P4HA1: variants seen among roughly 807,000 people sequenced by gnomAD.
The protein encoded by P4HA1 is prolyl 4-hydroxylase subunit alpha-1.
Under a neutral mutation model 72.8 loss-of-function variants are expected in P4HA1, and 24 were observed. The ratio of observed to expected loss-of-function variants is 0.33; its 90% CI spans 0.24 to 0.46. P4HA1 has a LOEUF of 0.46. Ranked by LOEUF, P4HA1 falls within the 20% of genes least tolerant of loss-of-function variation. P4HA1 has a pLI of 1.00. For missense variants in P4HA1, 446 were observed against 640.6 expected, an observed-to-expected ratio of 0.70 and a Z score of 3.28; for synonymous variants, 201 against 218.8, an observed-to-expected ratio of 0.92 and a Z score of 0.72.
At chr10:73,045,221 GT>G (rs1160612469) in intron 8 of P4HA1, among the ~76,000 whole-genome samples, 170 bp from the exon 9 acceptor site, 1 of 149,324 alleles carries the variant, frequency 6.7e-6, no homozygotes, top group African/African-American at 2.5e-5. Flanking sequence ...AGTTTTTTAG[GT>G]TTTTGGGGTT....
chr10:73,057,602 A>C (rs1564630944), intron 5 of P4HA1, among the ~76,000 whole-genome samples: 1 of 152,228 alleles, frequency 6.6e-6, no homozygotes. Context: ...GATAGTATTT[A>C]AAGAGATAAT....
At chr10:73,029,732 T>G (rs531551065) in intron 10 of P4HA1, among the ~76,000 whole-genome samples, 1 of 152,140 alleles carries the variant, frequency 6.6e-6, no homozygotes, top group East Asian at 1.9e-4. Context: ...TATATACCTG[T>G]TTACTACAGA....
intron 12 of P4HA1, among the ~76,000 whole-genome samples, chr10:73,012,940 T>C (rs12253518): frequency 0.16 from 23,881 of 151,896 alleles, 3,184 homozygotes; most frequent in African/African-American, 0.34. Context: ...GTACTACAGG[T>C]GTGTGCCACC....
At chr10:73,082,179 T>C (rs1461750177) in intron 1 of P4HA1, among the ~76,000 whole-genome samples, 1 of 152,228 alleles carries the variant, frequency 6.6e-6, no homozygotes, top group Non-Finnish European at 1.5e-5. Flanking sequence ...GTTTTGAGCA[T>C]GTTTAAGGTG....
chr10:73,064,967 CTT>C (rs1240045431), intron 5 of P4HA1, among the ~76,000 whole-genome samples: 1 of 152,166 alleles, frequency 6.6e-6, no homozygotes, highest in Non-Finnish European at 1.5e-5. Flanking sequence ...TGGATCAAAA[CTT>C]AATTTGTAAG....
At chr10:73,069,998 C>T (rs1841514951) in intron 4 of P4HA1, among the ~76,000 whole-genome samples, 2 of 151,580 alleles carry the variant, frequency 1.3e-5, no homozygotes, top group Admixed American at 6.6e-5. Context: ...CTAGTAGAGA[C>T]GGGGTTTCAC....
chr10:73,072,315 TA>T, intron 3 of P4HA1, 135 bp from the exon 4 acceptor site: 2 of 648,596 alleles, frequency 3.1e-6, no homozygotes, highest in Non-Finnish European at 5.2e-6. Flanking sequence ...AAAGTAAAAG[TA>T]TACGGTCTCG....
intron 9 of P4HA1, among the ~76,000 whole-genome samples, chr10:73,040,214 T>TGATAGCAGAAG (rs1589596003): frequency 6.6e-6 from 1 of 152,108 alleles, no homozygotes. Flanking sequence ...ATTTATAATA[T>TGATAGCAGAAG]GTAAGTATGG....
At chr10:73,088,475 T>C (rs1686709329) in intron 1 of P4HA1, among the ~76,000 whole-genome samples, 1 of 152,208 alleles carries the variant, frequency 6.6e-6, no homozygotes, top group South Asian at 2.1e-4. Context: ...ATGGGGACCA[T>C]CAAACAAGTT....
chr10:73,026,835 G>A (rs7898822), intron 10 of P4HA1, among the ~76,000 whole-genome samples: 32,665 of 152,122 alleles, frequency 0.21, 6,625 homozygotes, highest in African/African-American at 0.52. Context: ...CAGCCAACAG[G>A]CACATGAAAA....
At chr10:73,039,081 A>G (rs766540647) in intron 9 of P4HA1, among the ~76,000 whole-genome samples, 195 of 152,222 alleles carry the variant, frequency 1.3e-3, no homozygotes, top group Non-Finnish European at 2.2e-3. Flanking sequence ...GGAGTTTGAG[A>G]CCAGCCTAGG....
intron 5 of P4HA1, among the ~76,000 whole-genome samples, chr10:73,057,423 G>GT (rs1354279996): frequency 2.6e-5 from 4 of 152,166 alleles, no homozygotes; most frequent in Non-Finnish European, 5.9e-5. Flanking sequence ...CTGGGAGGTA[G>GT]AGCTTACAGT....
intron 1 of P4HA1, among the ~76,000 whole-genome samples, chr10:73,095,603 G>A (rs1005926232): frequency 1.3e-5 from 2 of 151,576 alleles, no homozygotes; most frequent in Non-Finnish European, 2.9e-5. Context: ...TTCACGTAGT[G>A]GCTATTTCAT....
intron 9 of P4HA1, among the ~76,000 whole-genome samples, chr10:73,030,929 G>A (rs79529083): frequency 0.041 from 6,239 of 152,218 alleles, 349 homozygotes; most frequent in African/African-American, 0.13. Flanking sequence ...GAATGTAAAA[G>A]GGGCAGCCAC....
At chr10:73,009,605 A>G in intron 14 of P4HA1, 1 of 491,564 alleles carries the variant, frequency 2.0e-6, no homozygotes, top group Non-Finnish European at 3.7e-6. Flanking sequence ...TGGAATAAGT[A>G]AAAATAGTTA....
At chr10:73,033,724 A>T (rs1234566629) in intron 9 of P4HA1, among the ~76,000 whole-genome samples, 1 of 152,216 alleles carries the variant, frequency 6.6e-6, no homozygotes, top group Non-Finnish European at 1.5e-5. Flanking sequence ...ATTAAAACGA[A>T]TTACTCAAGA....
intron 12 of P4HA1, among the ~76,000 whole-genome samples, chr10:73,011,738 C>A (rs916030510): frequency 6.6e-6 from 1 of 151,930 alleles, no homozygotes; most frequent in African/African-American, 2.4e-5. Flanking sequence ...GATCACAGAG[C>A]AAAACCCAGC....
At chr10:73,093,856 A>AAAAAAT (rs1842089989) in intron 1 of P4HA1, among the ~76,000 whole-genome samples, 1 of 62,316 alleles carries the variant, frequency 1.6e-5, no homozygotes, top group African/African-American at 8.5e-5. Context: ...AAAAAAAAAA[A>AAAAAAT]AAAAAAAAAA....
chr10:73,077,982 C>A, intron 1 of P4HA1, among the ~76,000 whole-genome samples: 1 of 144,990 alleles, frequency 6.9e-6, no homozygotes, highest in Admixed American at 6.9e-5. Flanking sequence ...AAGTGAGACC[C>A]CATCTCAAAA....
Sources: allele counts gnomAD v4.1 joint callset (sites outside exome capture counted in the v4.1 genomes callset), GRCh38; gene constraint gnomAD v4.1.1; transcripts MANE v1.5; gene names NCBI Gene and HGNC (gene_info 2026-07-23, HGNC 2026-07-21).